Variants in SLC45A4 observed in about 807,000 individuals in gnomAD.
The protein encoded by SLC45A4 is polyamine-transporter SLC45A4.
A neutral mutation model predicts 63.7 loss-of-function variants in SLC45A4; 32 were observed. That is an observed-to-expected ratio of 0.50 (90% CI 0.38 to 0.67). The LOEUF is 0.67. Ranked by LOEUF, SLC45A4 falls within the 30% of genes least tolerant of loss-of-function variation. The pLI is 0.00. For synonymous variants in SLC45A4, 535 were observed against 510.0 expected, an observed-to-expected ratio of 1.05 and a Z score of -0.66; for missense variants, 1,027 against 1,157.7, an observed-to-expected ratio of 0.89 and a Z score of 1.64.
At chr8:141,231,060 C>A (rs1439169130) in intron 2 of SLC45A4, among the ~76,000 whole-genome samples, 3 of 152,214 alleles carry the variant, frequency 2.0e-5, no homozygotes, top group Non-Finnish European at 4.4e-5. Flanking sequence ...AAGACCAGCA[C>A]CTGACAGGCC....
intron 1 of SLC45A4, among the ~76,000 whole-genome samples, chr8:141,265,419 C>T (rs748190241): frequency 6.6e-6 from 1 of 152,196 alleles, no homozygotes; most frequent in Non-Finnish European, 1.5e-5. Flanking sequence ...CAGCGCGGGG[C>T]GTGTTCTCAC....
chr8:141,281,155 A>G (rs961813312), intron 1 of SLC45A4, among the ~76,000 whole-genome samples: 15 of 152,146 alleles, frequency 9.9e-5, no homozygotes, highest in East Asian at 3.8e-4. Context: ...CCTGGCCAAC[A>G]TAGTGAAACC....
At position 141,229,695 on chromosome 8, in the gene SLC45A4, C is replaced by T. The variant is rs549198727; in HGVS notation, c.242-7930G>A. ...GCCAGGTGGGCCCTGACAACAGACC[C>T]ACTGGGTGATGAGCCTGACTTCCCT... On this transcript the variant is annotated intron_variant, in intron 2 of 8. Coordinates refer to ENST00000517878, the MANE Select transcript of SLC45A4 (RefSeq NM_001286646.2). The surrounding 1 kb of genome is among the most constrained non-coding windows in gnomAD (Gnocchi z 5.0). Among the ~76,000 whole-genome samples the T allele has an allele frequency of 4.9e-4, 75 of 152,156 alleles. No homozygotes were observed. The highest frequency in any genetic ancestry group is 7.1e-4 in the Non-Finnish European group (48 of 68,030).
chr8:141,211,315 G>A lies in SLC45A4; in HGVS notation c.*257C>T, dbSNP rs3739240. On this transcript the variant is annotated 3_prime_UTR_variant, in exon 9 of 9. Coordinates refer to ENST00000517878, the MANE Select transcript of SLC45A4 (RefSeq NM_001286646.2). ...GGAGAGTCCTTCAGACGGGACGAGC[G>A]GGGTCACATGGCTGGGCGCAGACAC... 0.6 allele frequency: 678,713 copies of A among 1,129,216 alleles called. 206,067 individuals carry two copies. The highest frequency in any genetic ancestry group is 0.81 in the East Asian group (28,767 of 35,552). The allele number at this position is 1,129,216 out of a possible 1,614,324, so 69.9% of individuals were successfully genotyped here.
At chr8:141,280,832 G>A (rs1255462112) in intron 1 of SLC45A4, among the ~76,000 whole-genome samples, 1 of 152,200 alleles carries the variant, frequency 6.6e-6, no homozygotes, top group Non-Finnish European at 1.5e-5. Flanking sequence ...GTCCCTGTCC[G>A]GGCACCTCCC....
At chr8:141,250,484 C>T (rs954144776) in intron 2 of SLC45A4, among the ~76,000 whole-genome samples, 4 of 151,824 alleles carry the variant, frequency 2.6e-5, no homozygotes, top group African/African-American at 4.8e-5. Flanking sequence ...CTCCCAGGCG[C>T]AAGCAATCCT....
intron 2 of SLC45A4, among the ~76,000 whole-genome samples, chr8:141,250,176 C>T (rs539841883): frequency 7.9e-5 from 12 of 152,302 alleles, no homozygotes; most frequent in African/African-American, 1.7e-4. Flanking sequence ...AAAGTACATA[C>T]GCAGACAGGT....
In SLC45A4 at chr8:141,218,657, T is replaced by C; in HGVS notation, c.983A>G (p.His328Arg). ...LDLEPELLFL[H>R]DIEPSIFHDA... ...GTGGAAGATGGAGGGCTCGATGTCG[T>C]GCAGGAACAGCAGCTCGGGCTCCAG... The change falls in exon 5 of 9, where the codon CAC (histidine) becomes CGC (arginine). Residue 328 changes from histidine (H) to arginine (R), a missense_variant. Physicochemically the swap from His to Arg is conservative, Grantham distance 29. Transcript: ENST00000517878. 6.2e-7 allele frequency: 1 copy of C among 1,613,286 alleles called. No homozygotes were observed. The highest frequency in any genetic ancestry group is 1.6e-4 in the Middle Eastern group (1 of 6,062).
intron 1 of SLC45A4, among the ~76,000 whole-genome samples, chr8:141,302,737 AG>A (rs908297191): frequency 2.0e-5 from 3 of 152,214 alleles, no homozygotes; most frequent in Non-Finnish European, 1.5e-5. Flanking sequence ...ACAGTGAAAA[AG>A]CTGCCTCTAC....
chr8:141,287,057 G>C (rs144222131), intron 1 of SLC45A4, among the ~76,000 whole-genome samples: 9 of 152,146 alleles, frequency 5.9e-5, no homozygotes, highest in Non-Finnish European at 1.0e-4. Context: ...GAAGTCGCCT[G>C]ACCGCTCCAG....
intron 1 of SLC45A4, among the ~76,000 whole-genome samples, chr8:141,282,400 C>T (rs1371200836): frequency 1.3e-5 from 2 of 152,166 alleles, no homozygotes; most frequent in African/African-American, 4.8e-5. Context: ...CTTAAGCAGC[C>T]ACTAGTCAAG....
intron 1 of SLC45A4, among the ~76,000 whole-genome samples, chr8:141,262,378 A>C (rs1265121055): frequency 2.0e-5 from 3 of 148,160 alleles, no homozygotes; most frequent in Non-Finnish European, 4.5e-5. Context: ...GGATCTAATT[A>C]AACTAAAGAG....
At chr8:141,281,361 T>G (rs947868318) in intron 1 of SLC45A4, among the ~76,000 whole-genome samples, 3 of 152,124 alleles carry the variant, frequency 2.0e-5, no homozygotes, top group African/African-American at 7.2e-5. Flanking sequence ...AACCTCCGAA[T>G]CAGTCTCCTA....
chr8:141,223,355 C>T (rs966490547), intron 2 of SLC45A4, among the ~76,000 whole-genome samples: 17 of 152,192 alleles, frequency 1.1e-4, no homozygotes, highest in Admixed American at 9.8e-4. Context: ...TCAGCTTCAC[C>T]GGAACTGAGT....
intron 2 of SLC45A4, among the ~76,000 whole-genome samples, chr8:141,249,894 TC>T (rs1828386289): frequency 6.6e-6 from 1 of 152,234 alleles, no homozygotes; most frequent in East Asian, 1.9e-4. Flanking sequence ...AAAGCCCTGT[TC>T]CTATAACCTG....
rs142456846 is a variant in SLC45A4, at chr8:141,211,581, C to T, written c.2418G>A (p.Trp806Ter). The change falls in exon 9 of 9, where the codon TGG becomes TGA. Residue 806 changes from tryptophan to a stop codon, truncating the protein, a stop_gained. Coordinates refer to ENST00000517878, the MANE Select transcript of SLC45A4 (RefSeq NM_001286646.2). LOFTEE classifies it high-confidence loss of function. ...FRKKIFFSTM[W>*]FS ...AAGATACGTCATTCTTCTAAGAGAA[C>T]CACATTGTGGAAAAGAAAATTTTTT... is the stretch of plus-strand genomic sequence containing the variant. 6.3e-4 allele frequency: 1,015 copies of T among 1,612,946 alleles called. No individual in the cohort carries two copies. Among genetic ancestry groups the T allele is most frequent in the Non-Finnish European group, 7.5e-4 (883 of 1,179,916 alleles).
In SLC45A4 at chr8:141,219,636, T is replaced by C; in HGVS notation, c.610+14A>G. On this transcript the variant is annotated intron_variant, in intron 4 of 8. Coordinates refer to ENST00000517878, the MANE Select transcript of SLC45A4 (RefSeq NM_001286646.2). ...TTGGAACCCGGCCACCCAGCCTTGG[T>C]GCGGCAGCGTTACCGGCAGAGAAGG... The C allele has an allele frequency of 6.3e-7, 1 of 1,595,046 alleles. No individual in the cohort carries two copies. The highest frequency in any genetic ancestry group is 8.6e-7 in the Non-Finnish European group (1 of 1,169,124).
At chr8:141,280,715 T>C (rs1177366349) in intron 1 of SLC45A4, among the ~76,000 whole-genome samples, 1 of 152,208 alleles carries the variant, frequency 6.6e-6, no homozygotes, top group Non-Finnish European at 1.5e-5. Flanking sequence ...GTTCGTGTAA[T>C]GCGACAGCGT....
At chr8:141,300,914 C>T (rs535591098) in intron 1 of SLC45A4, among the ~76,000 whole-genome samples, 45 of 152,374 alleles carry the variant, frequency 3.0e-4, no homozygotes, top group African/African-American at 9.9e-4. Context: ...CGTGACTCGA[C>T]GAAGTGGCGT....
Sources: allele counts gnomAD v4.1 joint callset (sites outside exome capture counted in the v4.1 genomes callset), GRCh38; gene constraint gnomAD v4.1.1; non-coding constraint Gnocchi (gnomAD v3.1); transcripts MANE v1.5; gene names NCBI Gene and HGNC (gene_info 2026-07-23, HGNC 2026-07-21).